SBF1: variants seen among roughly 807,000 people sequenced by gnomAD.
The protein encoded by SBF1 is myotubularin-related protein 5.
Under a neutral mutation model 215.8 loss-of-function variants are expected in SBF1, and 65 were observed. The ratio of observed to expected loss-of-function variants is 0.30; its 90% CI spans 0.25 to 0.37. The LOEUF (loss-of-function observed/expected upper bound fraction) is 0.37. Ranked by LOEUF, SBF1 falls within the 10% of genes least tolerant of loss-of-function variation. The pLI, the probability that SBF1 is intolerant of heterozygous loss-of-function variation, is 1.00. For synonymous variants in SBF1, 1,410 were observed against 1,122.8 expected, an observed-to-expected ratio of 1.26 and a Z score of -5.11; for missense variants, 2,634 against 2,667.8, an observed-to-expected ratio of 0.99 and a Z score of 0.28.
At position 50,454,674 on chromosome 22, in the gene SBF1, G is replaced by C; in HGVS notation, c.4881C>G (p.Ala1627=). ...VWDFYTEETL[A]EGPPYDWELA... ...GTTCCCAGTCATAGGGAGGGCCCTC[G>C]GCCAGCGTCTCCTCAGTGTAGAAGT... Residue 1627 remains alanine (A), a synonymous_variant, in exon 36 of 41, where the codon GCC becomes GCG. Coordinates refer to ENST00000380817, the MANE Select transcript of SBF1 (RefSeq NM_002972.4). 1 of 1,576,026 alleles carries C rather than the reference G, an allele frequency of 6.3e-7. No individual in the cohort carries two copies.
In SBF1 at chr22:50,456,246, G is replaced by A. The variant is rs1302480247; in HGVS notation, c.4236C>T (p.Arg1412=). The A allele has an allele frequency of 6.2e-7, 1 of 1,612,398 alleles. No individual in the cohort carries two copies. The highest frequency in any genetic ancestry group is 8.5e-7 in the Non-Finnish European group (1 of 1,179,928). The change falls in exon 31 of 41, where the codon CGC becomes CGT. Residue 1412 remains arginine, a synonymous_variant. Transcript: ENST00000380817. ...AAEPSPASFL[R]SLEDSEWLIQ... is the part of the protein sequence containing the mutation. ...TCAGCCACTCTGAGTCCTCCAGTGA[G>A]CGCAGGAAGGAGGCTGGGCTGGGCT... is the stretch of plus-strand genomic sequence containing the variant.
chr22:50,464,722 G>T lies in SBF1; in HGVS notation c.1448C>A (p.Ala483Asp). ...CCTCTGTACCTTGTGCATCGCCACG[G>T]CTGGGTACGGGTTCTCCTGTGGGGA... ...QLYKNENPYP[A>D]VAMHKVQRPG... is the part of the protein sequence containing the mutation. The change falls in exon 14 of 41, where the codon GCC becomes GAC. Residue 483 changes from alanine (A) to aspartate (D), a missense_variant. By Grantham distance (126) the Ala-to-Asp change is moderately radical. Transcript: ENST00000380817. 3 of 1,607,180 alleles carry T rather than the reference G, an allele frequency of 1.9e-6. No individual in the cohort carries two copies.
chr22:50,468,263 A>C, intron 2 of SBF1, 113 bp downstream of exon 2: 1 of 1,029,218 alleles, frequency 9.7e-7, no homozygotes, highest in African/African-American at 1.6e-5. Context: ...TCTTGTCCCT[A>C]GCCCAGCGGG....
rs2067546852 is a variant in SBF1, at chr22:50,462,207, G to A, written c.2394C>T (p.Asn798=). Residue 798 remains asparagine, a splice_region_variant and synonymous_variant, in exon 19 of 41, where the codon AAC becomes AAT. Transcript: ENST00000380817. ...CCAACCCCCAGTCCCTGCCTCACCT[G>A]TTGGTGACCAGGCTGTTGCTGGCGC... ...LESASNSLVT[N]SMAGSVAESY... is the part of the protein sequence containing the mutation. 2 of 1,606,964 alleles carry A rather than the reference G, an allele frequency of 1.2e-6. No homozygotes were observed. The highest frequency in any genetic ancestry group is 2.2e-5 in the South Asian group (2 of 91,084).
chr22:50,463,859 C>CA (rs1467866033), intron 15 of SBF1, among the ~76,000 whole-genome samples: 2 of 152,180 alleles, frequency 1.3e-5, no homozygotes, highest in Non-Finnish European at 2.9e-5. Flanking sequence ...CAATGAAAAA[C>CA]AAGAGTCTCC....
intron 15 of SBF1, 142 bp downstream of exon 15, chr22:50,464,183 ACCCT>A: frequency 1.5e-6 from 1 of 670,714 alleles, no homozygotes; most frequent in Non-Finnish European, 2.5e-6. Context: ...GAGCCCACCT[ACCCT>A]CCGGCCAGCC....
intron 1 of SBF1, 120 bp from the exon 2 acceptor site, chr22:50,468,581 A>T: frequency 1.5e-6 from 1 of 656,124 alleles, no homozygotes; most frequent in Admixed American, 3.2e-5. Flanking sequence ...CAGATCAGCC[A>T]CAGCTCCCTA....
rs367816247 is a variant in SBF1 at position 50,454,776 on chromosome 22, G to A, written c.4813-34C>T. 118 of 1,602,762 alleles carry A rather than the reference G, an allele frequency of 7.4e-5. 1 individual carries two copies. In the African/African-American group the frequency reaches 9.7e-4, roughly 13 times the overall value. ...GGGCCTGTGGTTGAGGACCTGGGTC[G>A]GGCAGGAGCCGCCTACCCGACCCAG... On this transcript the variant is annotated intron_variant, in intron 35 of 40. Coordinates refer to ENST00000380817, the MANE Select transcript of SBF1 (RefSeq NM_002972.4).
At chr22:50,464,189 C>CAG in intron 15 of SBF1, 140 bp downstream of exon 15, 1 of 711,832 alleles carries the variant, frequency 1.4e-6, no homozygotes, top group Non-Finnish European at 2.3e-6. Context: ...ACCTACCCTC[C>CAG]GGCCAGCCCA....
At chr22:50,471,101 G>A (rs1011925472) in intron 1 of SBF1, among the ~76,000 whole-genome samples, 2 of 152,176 alleles carry the variant, frequency 1.3e-5, no homozygotes, top group Non-Finnish European at 2.9e-5. Context: ...GAATACACAG[G>A]AGGGAGGGTG....
intron 34 of SBF1, 29 bp from the exon 35 acceptor site, chr22:50,454,973 C>T (rs1443098457): frequency 1.2e-6 from 2 of 1,613,952 alleles, no homozygotes; most frequent in Non-Finnish European, 1.7e-6. Context: ...GAGCCTGGGC[C>T]CCTCCTGACC....
chr22:50,448,907 A>T (rs565172244), intron 36 of SBF1, among the ~76,000 whole-genome samples: 44 of 152,342 alleles, frequency 2.9e-4, no homozygotes, highest in Admixed American at 2.9e-3. Context: ...CAACAGGGTA[A>T]GTTAAAAACA....
rs41281539 is a variant in SBF1 at position 50,462,855 on chromosome 22, C to T, written c.1968+15G>A. The T allele has an allele frequency of 2.7e-3, 4,339 of 1,613,040 alleles. 9 individuals carry two copies. The highest frequency in any genetic ancestry group is 3.1e-3 in the Non-Finnish European group (3,703 of 1,179,852). On this transcript the variant is annotated intron_variant, in intron 17 of 40. Transcript: ENST00000380817. The stretch of plus-strand genomic sequence containing the variant: ...GGGGGGCTGGGAAGGAGACCTCAGC[C>T]ATGCCAGCACTCACCCGGCAGAAGG...
intron 1 of SBF1, among the ~76,000 whole-genome samples, chr22:50,472,379 A>G (rs1057462866): frequency 2.0e-5 from 3 of 152,136 alleles, no homozygotes; most frequent in African/African-American, 7.2e-5. Context: ...CTATCCGCCA[A>G]TCCTAATCCC....
intron 17 of SBF1, 49 bp from the exon 18 acceptor site, chr22:50,462,766 G>A (rs1305087056): frequency 6.2e-7 from 1 of 1,609,118 alleles, no homozygotes; most frequent in Non-Finnish European, 8.5e-7. Context: ...AGGAAGGGCG[G>A]CTGGGAAGGA....
Position 50,447,377 on chromosome 22 carries a change from G to C in SBF1, c.5528C>G (p.Pro1843Arg), listed in dbSNP as rs769942687. 2.5e-6 allele frequency: 4 copies of C among 1,613,878 alleles called. No homozygotes were observed. In the East Asian group the frequency reaches 8.9e-5, roughly 36 times the overall value. ...IDLAEVEAVA[P>R]GTPTMGAPKT... ...AGGGGCACCCATAGTGGGCGTGCCA[G>C]GTGCCACAGCCTCCACCTCCGCCAA... Residue 1843 changes from proline (P) to arginine (R), a missense_variant, in exon 40 of 41, where the codon CCT (proline) becomes CGT (arginine). Physicochemically the swap from Pro to Arg is moderately radical, Grantham distance 103. Coordinates refer to ENST00000380817, the MANE Select transcript of SBF1 (RefSeq NM_002972.4).
At chr22:50,453,754 T>A (rs1478692908) in intron 36 of SBF1, among the ~76,000 whole-genome samples, 1 of 150,846 alleles carries the variant, frequency 6.6e-6, no homozygotes, top group East Asian at 1.9e-4. Flanking sequence ...GCCACTACAC[T>A]CCAGCCTGGG....
chr22:50,462,415 T>C lies in SBF1; in HGVS notation c.2186A>G (p.Glu729Gly). 1 of 1,613,986 alleles carries C rather than the reference T, an allele frequency of 6.2e-7. No homozygotes were observed. Among genetic ancestry groups the C allele is most frequent in the Non-Finnish European group, 8.5e-7 (1 of 1,180,002 alleles). The part of the protein sequence containing the change: ...DERSALDVAS[E>G]QRRLWPTLSR... ...CAGAGTTGGCCACAAGCGCCGCTGC[T>C]CAGAAGCCACGTCTAGGGCAGAGCG... is the stretch of plus-strand genomic sequence containing the variant. Residue 729 changes from glutamate to glycine, a missense_variant, in exon 19 of 41, where the codon GAG becomes GGG. Coordinates refer to ENST00000380817, the MANE Select transcript of SBF1 (RefSeq NM_002972.4).
In SBF1 at chr22:50,454,544, C is replaced by T. The variant is rs1382634964; in HGVS notation, c.5011G>A (p.Ala1671Thr). The change falls in exon 36 of 41, where the codon GCC (alanine) becomes ACC (threonine). Residue 1671 changes from alanine (A) to threonine (T), a missense_variant. Physicochemically the swap from Ala to Thr is moderately conservative, Grantham distance 58 (BLOSUM62 0). Transcript: ENST00000380817. ...AGGCGTGAGATGGCGTCAGGCTGGGCCCGCGGGCAGCTGTCGTAACAGGGC... is the reference window on the plus strand; with the variant it reads ...AGGCGTGAGATGGCGTCAGGCTGGGTCCGCGGGCAGCTGTCGTAACAGGGC... ...VWPCYDSCPR[A>T]QPDAISRLLE... The T allele has an allele frequency of 7.4e-6, 12 of 1,610,902 alleles. No homozygotes were observed. Among genetic ancestry groups the T allele is most frequent in the Non-Finnish European group, 1.0e-5 (12 of 1,179,894 alleles).
Sources: allele counts gnomAD v4.1 joint callset (sites outside exome capture counted in the v4.1 genomes callset), GRCh38; gene constraint gnomAD v4.1.1; transcripts MANE v1.5; gene names NCBI Gene and HGNC (gene_info 2026-07-23, HGNC 2026-07-21).